The following CARMIL1 variants were observed in gnomAD, a reference collection of about 807,000 sequenced individuals.
The protein encoded by CARMIL1 is capping protein regulator and myosin 1 linker 1.
Under a neutral mutation model 177.1 loss-of-function variants are expected in CARMIL1, and 90 were observed. The observed-to-expected ratio is 0.51, with a 90% CI of 0.43 to 0.61. The LOEUF (loss-of-function observed/expected upper bound fraction) is 0.61, where lower values mean the gene tolerates loss of function less well. Among genes scored for constraint, CARMIL1 ranks in the 20% least tolerant of loss-of-function variants. The pLI, the probability that CARMIL1 is intolerant of heterozygous loss-of-function variation, is 0.00. For synonymous variants in CARMIL1, 577 were observed against 606.2 expected (o/e 0.95, Z 0.71); for missense variants, 1,380 against 1,667.0 (o/e 0.83, Z 3.00).
intron 1 of CARMIL1, among the ~76,000 whole-genome samples, chr6:25,281,108 TCACAGACGCACGCGCGTGTGCGCGCGCG>T (rs1781053383): frequency 1.4e-5 from 2 of 140,046 alleles, no homozygotes; most frequent in Admixed American, 7.3e-5. Context: ...ATGAAATTAT[TCACAGACGCACGCGCGTGTGCGCGCGCG>T]CACACACACA....
intron 2 of CARMIL1, among the ~76,000 whole-genome samples, chr6:25,351,117 G>C (rs1412332934): frequency 2.0e-5 from 3 of 152,064 alleles, no homozygotes; most frequent in African/African-American, 7.2e-5. Context: ...CTCTATGGTA[G>C]CTGCTAGTCA....
At position 25,606,244 on chromosome 6, in the gene CARMIL1, C is replaced by G; in HGVS notation, c.3818C>G (p.Pro1273Arg). The G allele has an allele frequency of 6.2e-7, 1 of 1,613,776 alleles. No individual in the cohort carries two copies. Among genetic ancestry groups the G allele is most frequent in the Non-Finnish European group, 8.5e-7 (1 of 1,179,840 alleles). ...AGTCTGGCAGCACGGCCCGTCATCC[C>G]GCAGAAACCAAGAACCGCCTCACGG... ...KPSLAARPVIPQKPRTASRPD... is the reference protein window; with the variant it reads ...KPSLAARPVIRQKPRTASRPD... Residue 1273 changes from proline to arginine, a missense_variant, in exon 35 of 37, where the codon CCG (proline) becomes CGG (arginine). Physicochemically the swap from Pro to Arg is moderately radical, Grantham distance 103 (BLOSUM62 -2). Coordinates refer to ENST00000329474, the MANE Select transcript of CARMIL1 (RefSeq NM_017640.6).
intron 36 of CARMIL1, among the ~76,000 whole-genome samples, chr6:25,614,230 C>T (rs748555060): frequency 1.5e-4 from 23 of 152,172 alleles, no homozygotes; most frequent in African/African-American, 3.4e-4. Flanking sequence ...CCTGGGGTTC[C>T]GGCGTATACT....
At chr6:25,462,277 T>A (rs1014290722) in intron 8 of CARMIL1, among the ~76,000 whole-genome samples, 29 of 152,330 alleles carry the variant, frequency 1.9e-4, no homozygotes, top group Non-Finnish European at 2.8e-4. Flanking sequence ...TTTCTTCTGC[T>A]TATAATATGT....
chr6:25,364,976 T>C (rs1009662621), intron 2 of CARMIL1, among the ~76,000 whole-genome samples: 2 of 152,194 alleles, frequency 1.3e-5, no homozygotes, highest in Non-Finnish European at 2.9e-5. Flanking sequence ...TCACTCAGCG[T>C]TGGCCTTTCT....
At chr6:25,290,036 T>C (rs77672372) in intron 2 of CARMIL1, among the ~76,000 whole-genome samples, 4,123 of 152,332 alleles carry the variant, frequency 0.027, 69 homozygotes, top group Non-Finnish European at 0.038. Context: ...TTATATGGTT[T>C]TACCAGCAAT....
rs192485471 is a variant in CARMIL1, at chr6:25,316,159, G to A, written c.138+31250G>A. ...GAGAAATGCTTCTAATGACCAGGAA[G>A]ACAGAATTGAAAGTAGCCTTAATTA... On this transcript the variant is annotated intron_variant, in intron 2 of 36. Transcript: ENST00000329474. Among the ~76,000 whole-genome samples, 597 of 152,122 alleles carry A rather than the reference G, an allele frequency of 3.9e-3. 3 individuals carry two copies. Among genetic ancestry groups the A allele is most frequent in the Non-Finnish European group, 6.1e-3 (417 of 67,916 alleles).
intron 2 of CARMIL1, among the ~76,000 whole-genome samples, chr6:25,406,269 G>A (rs2150604862): frequency 6.6e-6 from 1 of 152,300 alleles, no homozygotes; most frequent in East Asian, 1.9e-4. Context: ...CCAGGTGAAG[G>A]TAAAGCAAGA....
chr6:25,392,638 G>A (rs1250721023), intron 2 of CARMIL1, among the ~76,000 whole-genome samples: 6 of 152,144 alleles, frequency 3.9e-5, no homozygotes, highest in African/African-American at 1.4e-4. Flanking sequence ...CGCCTTTCAT[G>A]TGAATGGATG....
chr6:25,537,622 C>G (rs1808430587), intron 24 of CARMIL1, among the ~76,000 whole-genome samples: 1 of 152,198 alleles, frequency 6.6e-6, no homozygotes, highest in Non-Finnish European at 1.5e-5. Flanking sequence ...GAAATGCCTT[C>G]AATTTTTTTC....
chr6:25,448,357 C>T (rs2150834587), intron 5 of CARMIL1, among the ~76,000 whole-genome samples: 1 of 152,264 alleles, frequency 6.6e-6, no homozygotes, highest in South Asian at 2.1e-4. Context: ...CTTTCTTTAT[C>T]ACACATCATT....
rs781032398 is a variant in CARMIL1, at chr6:25,606,088, A to G, written c.3662A>G (p.Glu1221Gly). Residue 1221 changes from glutamate to glycine, a missense_variant, in exon 35 of 37, where the codon GAG (glutamate) becomes GGG (glycine). Glu to Gly is a moderately conservative substitution (Grantham distance 98). Transcript: ENST00000329474. ...CCTAAACTGCACCCAGGTCTTCCAG[A>G]GAACCGCTTTGGTTTGGGAACACCA... ...AVPKLHPGLP[E>G]NRFGLGTPEK... 6 of 1,613,752 alleles carry G rather than the reference A, an allele frequency of 3.7e-6. No homozygotes were observed. In the Admixed American group the frequency reaches 8.3e-5, roughly 22 times the overall value.
chr6:25,583,089 G>C (rs1415100578), intron 31 of CARMIL1, among the ~76,000 whole-genome samples: 1 of 152,204 alleles, frequency 6.6e-6, no homozygotes, highest in African/African-American at 2.4e-5. Context: ...AGTGCCCTCT[G>C]TATAGCCAGA....
intron 2 of CARMIL1, among the ~76,000 whole-genome samples, chr6:25,398,774 C>A (rs925235090): frequency 6.6e-6 from 1 of 152,082 alleles, no homozygotes; most frequent in African/African-American, 2.4e-5. Flanking sequence ...GGATATGAGC[C>A]CCAAGAGCTG....
intron 2 of CARMIL1, among the ~76,000 whole-genome samples, chr6:25,314,597 A>G (rs981923648): frequency 2.0e-4 from 23 of 112,596 alleles, no homozygotes; most frequent in Non-Finnish European, 3.7e-4. Flanking sequence ...TATATTCACA[A>G]TGATAGTTAA....
At chr6:25,284,459 C>T (rs2690050) in intron 1 of CARMIL1, among the ~76,000 whole-genome samples, 7,569 of 152,284 alleles carry the variant, frequency 0.05, 590 homozygotes, top group African/African-American at 0.17. Flanking sequence ...CCTGTAATCC[C>T]GGCACTTTGG....
chr6:25,441,259 C>T (rs1452565545), intron 5 of CARMIL1, among the ~76,000 whole-genome samples: 3 of 150,320 alleles, frequency 2.0e-5, no homozygotes, highest in Admixed American at 6.7e-5. Context: ...ATGCTCACAC[C>T]ACTACACTCC....
intron 8 of CARMIL1, chr6:25,451,986 G>GCCCCCCACCCCCCCC: frequency 8.9e-6 from 1 of 112,672 alleles, no homozygotes; most frequent in Non-Finnish European, 1.7e-5. Context: ...CTAGCATCTT[G>GCCCCCCACCCCCCCC]CCCCCCCCTC....
At chr6:25,322,496 A>G (rs1784767684) in intron 2 of CARMIL1, among the ~76,000 whole-genome samples, 4 of 152,264 alleles carry the variant, frequency 2.6e-5, no homozygotes, top group Admixed American at 2.0e-4. Context: ...ACAAACACAC[A>G]TATGCACATA....
Sources: gnomAD v4.1 joint callset for allele counts (sites outside exome capture counted in the v4.1 genomes callset) on GRCh38, gnomAD v4.1.1 for gene constraint, MANE v1.5 for transcripts, NCBI Gene and HGNC (gene_info 2026-07-23, HGNC 2026-07-21) for gene names.